NUP155: variants seen among roughly 807,000 people sequenced by gnomAD.
NUP155 encodes nuclear pore complex protein Nup155.
In NUP155, 71 loss-of-function variants were observed where a neutral mutation model predicts 180.4. That is an observed-to-expected ratio of 0.39 (90% CI 0.33 to 0.48). NUP155 has a LOEUF of 0.48. Ranked by LOEUF, NUP155 falls within the 20% of genes least tolerant of loss-of-function variation. The probability of loss-of-function intolerance (pLI) is 0.91; values close to 1 mark genes in which losing one functional copy is unlikely to be tolerated. For synonymous variants in NUP155, 582 were observed against 559.5 expected, an observed-to-expected ratio of 1.04 and a Z score of -0.57; for missense variants, 1,553 against 1,648.9, an observed-to-expected ratio of 0.94 and a Z score of 1.01.
intron 1 of NUP155, among the ~76,000 whole-genome samples, chr5:37,368,209 CTTTTTTTTTTTTT>C (rs58198308): frequency 1.1e-4 from 6 of 52,830 alleles, no homozygotes; most frequent in South Asian, 9.3e-4. Flanking sequence ...AGCGCCAGGC[CTTTTTTTTTTTTT>C]TTTTTTTTTT....
intron 25 of NUP155, among the ~76,000 whole-genome samples, chr5:37,306,433 A>C (rs1233267294): frequency 1.3e-5 from 2 of 151,836 alleles, no homozygotes; most frequent in Admixed American, 1.3e-4. Flanking sequence ...ACAAAACAAA[A>C]CACCCTCCAT....
intron 9 of NUP155, among the ~76,000 whole-genome samples, chr5:37,345,814 G>A (rs948303793): frequency 2.0e-5 from 3 of 150,582 alleles, no homozygotes; most frequent in Non-Finnish European, 4.4e-5. Context: ...TGAGGCAGGA[G>A]CATTGCTTGA....
intron 22 of NUP155, among the ~76,000 whole-genome samples, chr5:37,313,045 T>C (rs1484033759): frequency 1.3e-5 from 2 of 152,194 alleles, no homozygotes; most frequent in Non-Finnish European, 2.9e-5. Context: ...AGATTAATGT[T>C]GATTATCCTT....
chr5:37,328,532 C>T (rs1744756419), intron 16 of NUP155, 112 bp from the exon 17 acceptor site: 1 of 775,670 alleles, frequency 1.3e-6, no homozygotes, highest in East Asian at 2.9e-5. Flanking sequence ...GAGGCAGGGT[C>T]TCTTTCTGTG....
At chr5:37,308,350 C>T (rs1374959682) in intron 24 of NUP155, among the ~76,000 whole-genome samples, 12 of 151,724 alleles carry the variant, frequency 7.9e-5, no homozygotes, top group East Asian at 1.9e-4. Context: ...GTCAGGAGAT[C>T]GAGACCACCC....
At chr5:37,301,609 G>GA (rs1742867882) in intron 29 of NUP155, 59 bp from the exon 30 acceptor site, 2 of 1,011,472 alleles carry the variant, frequency 2.0e-6, no homozygotes, top group Non-Finnish European at 3.2e-6. Flanking sequence ...ACATACGTTT[G>GA]AAAGAACGGA....
intron 4 of NUP155, among the ~76,000 whole-genome samples, chr5:37,354,201 C>CA (rs1406883401): frequency 1.3e-5 from 2 of 152,032 alleles, no homozygotes; most frequent in Non-Finnish European, 2.9e-5. Context: ...GGCTGGAGTG[C>CA]AGTGGCTCGA....
chr5:37,330,135 G>C lies in NUP155; in HGVS notation c.1630-3C>G. 6.2e-7 allele frequency: 1 copy of C among 1,605,314 alleles called. No homozygotes were observed. The highest frequency in any genetic ancestry group is 8.5e-7 in the Non-Finnish European group (1 of 1,173,430). ...CAAGTTGCACAAGCCTGGTCTTCCT[G>C]TGTAAAAAGAGGAATATTGGCCTTA... is the stretch of plus-strand genomic sequence containing the variant. On this transcript the variant is annotated splice_polypyrimidine_tract_variant and splice_region_variant and intron_variant, in intron 14 of 34. Transcript: ENST00000231498.
At chr5:37,348,195 T>C (rs542699846) in intron 9 of NUP155, among the ~76,000 whole-genome samples, 2 of 152,090 alleles carry the variant, frequency 1.3e-5, no homozygotes, top group East Asian at 1.9e-4. Context: ...TCTCAGCTAC[T>C]AGGGAGCCTG....
chr5:37,309,095 G>C, intron 24 of NUP155, 34 bp downstream of exon 24: 3 of 1,604,908 alleles, frequency 1.9e-6, no homozygotes, highest in Non-Finnish European at 2.6e-6. Flanking sequence ...CTTTTGAGTT[G>C]AGTAAAAGAT....
chr5:37,320,303 C>T lies in NUP155; in HGVS notation c.2208-2218G>A, dbSNP rs551495813. Reference sequence around the variant, plus strand: ...GACCAGCCTGACCAACAAGGAGAAACCCCGTCTCTACTAAAAATACAAAAT... The same window carrying T: ...GACCAGCCTGACCAACAAGGAGAAATCCCGTCTCTACTAAAAATACAAAAT... On this transcript the variant is annotated intron_variant, in intron 20 of 34. Transcript: ENST00000231498. 5.9e-5 allele frequency among the ~76,000 whole-genome samples: 9 copies of T among 152,020 alleles called. 1 individual carries two copies. Among genetic ancestry groups the T allele is most frequent in the African/African-American group, 2.2e-4 (9 of 41,404 alleles).
intron 3 of NUP155, 53 bp from the exon 4 acceptor site, chr5:37,358,204 T>G (rs925051399): frequency 1.2e-5 from 15 of 1,264,600 alleles, no homozygotes; most frequent in Non-Finnish European, 1.3e-5. Flanking sequence ...ATAGGCCAGA[T>G]GTGGTGGCTC....
intron 20 of NUP155, among the ~76,000 whole-genome samples, chr5:37,321,288 G>C (rs938621031): frequency 6.6e-6 from 1 of 152,214 alleles, no homozygotes; most frequent in Non-Finnish European, 1.5e-5. Flanking sequence ...GGAGGTTGCA[G>C]TGAGCTGAGA....
At position 37,305,358 on chromosome 5, in the gene NUP155, A is replaced by G. The variant is rs531050217; in HGVS notation, c.2904-148T>C. ...CTGGGAGTTCAAGACTAGCCAGGGCAACAGAGCGGGACCACGTCTCTACAA... is the reference window on the plus strand; with the variant it reads ...CTGGGAGTTCAAGACTAGCCAGGGCGACAGAGCGGGACCACGTCTCTACAA... On this transcript the variant is annotated intron_variant, in intron 25 of 34. Transcript: ENST00000231498. 385 of 698,788 alleles carry G rather than the reference A, an allele frequency of 5.5e-4. 2 individuals carry two copies. The African/African-American group carries it at 6.1e-3, about 11-fold the overall frequency. The allele number at this position is 698,788 out of a possible 1,614,324, so 43.3% of individuals were successfully genotyped here.
chr5:37,328,508 C>T, intron 16 of NUP155, 88 bp from the exon 17 acceptor site: 1 of 1,030,910 alleles, frequency 9.7e-7, no homozygotes, highest in Admixed American at 2.0e-5. Context: ...AAGGTATTTC[C>T]TTTTTCTTTT....
intron 9 of NUP155, among the ~76,000 whole-genome samples, chr5:37,347,647 G>A (rs1334965226): frequency 1.5e-5 from 2 of 137,914 alleles, no homozygotes; most frequent in African/African-American, 5.6e-5. Context: ...AGTGAGCCGA[G>A]ACTGCACCAT....
At chr5:37,329,598 C>T (rs1031607837) in intron 15 of NUP155, among the ~76,000 whole-genome samples, 1 of 152,096 alleles carries the variant, frequency 6.6e-6, no homozygotes, top group Middle Eastern at 3.2e-3. Flanking sequence ...GATAGTACTT[C>T]AAAAAACGTT....
intron 12 of NUP155, among the ~76,000 whole-genome samples, chr5:37,336,269 C>T (rs1195063812): frequency 2.0e-5 from 3 of 151,962 alleles, no homozygotes; most frequent in Admixed American, 1.3e-4. Context: ...TCGCTTGAGC[C>T]CAGGAGTTCA....
chr5:37,303,138 T>C (rs1270688076), intron 28 of NUP155, 122 bp downstream of exon 28: 1 of 1,148,930 alleles, frequency 8.7e-7, no homozygotes, highest in African/African-American at 1.6e-5. Context: ...AGTAACATCC[T>C]ATTTAAAAAA....
Sources: allele counts gnomAD v4.1 joint callset (sites outside exome capture counted in the v4.1 genomes callset), GRCh38; gene constraint gnomAD v4.1.1; transcripts MANE v1.5; gene names NCBI Gene and HGNC (gene_info 2026-07-23, HGNC 2026-07-21).